The following RAB27B variants were observed in gnomAD, a reference collection of about 807,000 sequenced individuals.
The protein encoded by RAB27B is ras-related protein Rab-27B.
Under a neutral mutation model 24.6 loss-of-function variants are expected in RAB27B, and 15 were observed. The observed-to-expected ratio is 0.61, with a 90% CI of 0.41 to 0.94. RAB27B has a LOEUF of 0.94. RAB27B is among the 40% of genes least tolerant of loss of function. RAB27B has a pLI of 0.00. For missense variants in RAB27B, 261 were observed against 266.8 expected (o/e 0.98, Z 0.15); for synonymous variants, 105 against 92.5 (o/e 1.14, Z -0.78).
rs1910553560 is a variant in RAB27B at position 54,828,521 on chromosome 18, G to A, written c.-199G>A. On this transcript the variant is annotated 5_prime_UTR_variant, in exon 1 of 6. Transcript: ENST00000262094. ...AGGGGCTGCGGACCGCCCGGCCTTG[G>A]ACCCATCCGGAGCCACAGGTTGGAG... is the stretch of plus-strand genomic sequence containing the variant. 1 of 152,344 alleles carries A rather than the reference G, an allele frequency of 6.6e-6. No individual in the cohort carries two copies. The allele number at this position is 152,344 out of a possible 1,614,324, so 9.4% of individuals were successfully genotyped here.
In RAB27B at chr18:54,777,126, A is replaced by C. The variant is rs144509987; in HGVS notation, c.-20+58985A>C. Among the ~76,000 whole-genome samples the C allele has an allele frequency of 3.0e-3, 463 of 152,342 alleles. 6 individuals carry two copies. The highest frequency in any genetic ancestry group is 0.028 in the South Asian group (136 of 4,828). ...AATATGGTGCTTAGAAGCATGCTTT[A>C]TTTGTATACATTCTGGGAAATGTGA... On this transcript the variant is annotated intron_variant, in intron 2 of 4. Coordinates refer to the RAB27B transcript ENST00000586570.
rs199829620 is a variant in RAB27B, at chr18:54,812,735, TTATTTC to T, written c.-19-64829_-19-64824del. On this transcript the variant is annotated intron_variant, in intron 2 of 4. Transcript: ENST00000586570. ...ATTTTAAGAATTAATTTTTAATACTTTATTTCTAATGGTTTAAAGATGAAATACTAG... is the reference window on the plus strand; with the variant it reads ...ATTTTAAGAATTAATTTTTAATACTTTAATGGTTTAAAGATGAAATACTAG... Among the ~76,000 whole-genome samples the T allele has an allele frequency of 9.4e-3, 1,439 of 152,288 alleles. 23 individuals are homozygous for T. Among genetic ancestry groups the T allele is most frequent in the African/African-American group, 0.032 (1,328 of 41,560 alleles).
At chr18:54,845,172 C>T (rs898163909) in intron 1 of RAB27B, among the ~76,000 whole-genome samples, 39 of 151,910 alleles carry the variant, frequency 2.6e-4, no homozygotes, top group African/African-American at 5.1e-4. Context: ...TTTGGGAGGC[C>T]GAGGTGGGAG....
At chr18:54,841,238 C>T (rs955857599) in intron 1 of RAB27B, among the ~76,000 whole-genome samples, 1 of 148,584 alleles carries the variant, frequency 6.7e-6, no homozygotes, top group Non-Finnish European at 1.5e-5. Context: ...ATAGATTTAG[C>T]CAACTGCAGA....
At chr18:54,779,478 G>A (rs552479931) in intron 2 of RAB27B, among the ~76,000 whole-genome samples, 4 of 152,214 alleles carry the variant, frequency 2.6e-5, no homozygotes, top group Non-Finnish European at 4.4e-5. Flanking sequence ...AAGACTGCTC[G>A]GTGGGACACA....
intron 2 of RAB27B, among the ~76,000 whole-genome samples, chr18:54,751,493 G>A (rs910512741): frequency 5.3e-5 from 8 of 152,104 alleles, no homozygotes; most frequent in African/African-American, 1.4e-4. Flanking sequence ...TGTAGGAGTC[G>A]GCATATGAGA....
intron 2 of RAB27B, among the ~76,000 whole-genome samples, chr18:54,795,340 G>A (rs777210115): frequency 2.6e-5 from 4 of 152,102 alleles, no homozygotes; most frequent in East Asian, 1.9e-4. Flanking sequence ...ATGTGTTACC[G>A]AAATGCCAAG....
At chr18:54,865,509 C>CCATAAAAGAG (rs1331054905) in intron 1 of RAB27B, among the ~76,000 whole-genome samples, 4 of 152,102 alleles carry the variant, frequency 2.6e-5, no homozygotes, top group Non-Finnish European at 5.9e-5. Flanking sequence ...ACTATTCCAA[C>CCATAAAAGAG]CATAAAAGAG....
rs1228735583 is a variant in RAB27B, at chr18:54,890,206, CA to C, written c.*795del. 1.3e-5 allele frequency: 2 copies of C among 152,082 alleles called. No individual in the cohort carries two copies. Among genetic ancestry groups the C allele is most frequent in the African/African-American group, 4.8e-5 (2 of 41,430 alleles). 9.4% of individuals were successfully genotyped at this position (152,082 alleles called of 1,614,324 possible). ...AAGGGTTACTTAGCCAAATTTTACTCAAGCCAATTAGGAGCTGATATTATCA... is the reference window on the plus strand; with the variant it reads ...AAGGGTTACTTAGCCAAATTTTACTCAGCCAATTAGGAGCTGATATTATCA... On this transcript the variant is annotated 3_prime_UTR_variant, in exon 6 of 6. Coordinates refer to ENST00000262094, the MANE Select transcript of RAB27B (RefSeq NM_004163.4).
intron 1 of RAB27B, among the ~76,000 whole-genome samples, chr18:54,856,244 T>A (rs555580153): frequency 6.6e-6 from 1 of 152,172 alleles, no homozygotes; most frequent in Admixed American, 6.5e-5. Context: ...CTTATGAAAG[T>A]CGGGGAGGAG....
intron 1 of RAB27B, among the ~76,000 whole-genome samples, chr18:54,841,822 C>CA (rs1378719452): frequency 2.0e-5 from 3 of 152,208 alleles, no homozygotes; most frequent in Non-Finnish European, 4.4e-5. Flanking sequence ...CCTCCTGAGT[C>CA]ATTGCCTTCA....
At chr18:54,808,152 A>C (rs558861593) in intron 2 of RAB27B, among the ~76,000 whole-genome samples, 21 of 152,316 alleles carry the variant, frequency 1.4e-4, no homozygotes, top group African/African-American at 5.1e-4. Context: ...AAGATTCTAC[A>C]TATTGTTTGT....
intron 1 of RAB27B, among the ~76,000 whole-genome samples, chr18:54,843,099 A>G (rs968772213): frequency 4.6e-5 from 7 of 152,072 alleles, no homozygotes; most frequent in African/African-American, 1.4e-4. Context: ...CCTGGCCAAT[A>G]ATATTATTTT....
chr18:54,759,648 T>G (rs921152507), intron 2 of RAB27B, among the ~76,000 whole-genome samples: 3 of 152,172 alleles, frequency 2.0e-5, no homozygotes, highest in Non-Finnish European at 4.4e-5. Flanking sequence ...TGTTTTCCCA[T>G]TCAAATGCGC....
At chr18:54,786,350 T>C (rs1426409151) in intron 2 of RAB27B, among the ~76,000 whole-genome samples, 1 of 152,322 alleles carries the variant, frequency 6.6e-6, no homozygotes, top group East Asian at 1.9e-4. Context: ...CTGTGTCATC[T>C]CACACAGAGA....
At chr18:54,799,654 G>A (rs1909538572) in intron 2 of RAB27B, among the ~76,000 whole-genome samples, 1 of 98,584 alleles carries the variant, frequency 1.0e-5, no homozygotes, top group Non-Finnish European at 1.8e-5. Context: ...TTTTTAGACA[G>A]AGTCTTGCTC....
intron 2 of RAB27B, among the ~76,000 whole-genome samples, chr18:54,800,559 T>G (rs1250351443): frequency 6.6e-6 from 1 of 152,256 alleles, no homozygotes; most frequent in African/African-American, 2.4e-5. Flanking sequence ...ACTATTCATC[T>G]CTTGCAACTG....
intron 1 of RAB27B, among the ~76,000 whole-genome samples, chr18:54,852,890 A>G (rs1375809071): frequency 1.3e-5 from 2 of 152,092 alleles, no homozygotes; most frequent in Non-Finnish European, 2.9e-5. Flanking sequence ...TCCTTTATGG[A>G]TGTGTGTTTT....
intron 1 of RAB27B, among the ~76,000 whole-genome samples, chr18:54,844,143 T>C (rs77714680): frequency 6.6e-6 from 1 of 152,102 alleles, no homozygotes; most frequent in Non-Finnish European, 1.5e-5. Flanking sequence ...TATATCAATA[T>C]CTTCTGAGGG....
Sources: gnomAD v4.1 joint callset for allele counts (sites outside exome capture counted in the v4.1 genomes callset) on GRCh38, gnomAD v4.1.1 for gene constraint, MANE v1.5 for transcripts, NCBI Gene and HGNC (gene_info 2026-07-23, HGNC 2026-07-21) for gene names.